The following SOX6 variants were observed in gnomAD, a reference collection of about 807,000 sequenced individuals.
SOX6 encodes the protein transcription factor SOX-6.
In SOX6, 11 loss-of-function variants were observed where a neutral mutation model predicts 97.8. The ratio of observed to expected loss-of-function variants is 0.11; its 90% confidence interval spans 0.07 to 0.19. SOX6 has a LOEUF of 0.19. SOX6 is among the 10% of genes least tolerant of loss of function. SOX6 has a pLI of 1.00. For missense variants in SOX6, 810 were observed against 1,039.5 expected, an observed-to-expected ratio of 0.78 and a Z score of 3.04; for synonymous variants, 360 against 371.4, an observed-to-expected ratio of 0.97 and a Z score of 0.35.
At chr11:16,193,459 A>C (rs1263933759) in intron 4 of SOX6, among the ~76,000 whole-genome samples, 1 of 152,218 alleles carries the variant, frequency 6.6e-6, no homozygotes, top group African/African-American at 2.4e-5. Flanking sequence ...CATTCTCTAG[A>C]AACATGTCCC....
At chr11:16,070,048 G>A (rs536916816) in intron 9 of SOX6, among the ~76,000 whole-genome samples, 8 of 152,064 alleles carry the variant, frequency 5.3e-5, no homozygotes, top group Admixed American at 6.5e-5. Flanking sequence ...CCAGCTACTC[G>A]GGAGGTTGAG....
At chr11:16,031,603 G>A (rs1347305349) in intron 12 of SOX6, 1 of 152,134 alleles carries the variant, frequency 6.6e-6, no homozygotes. Context: ...AGAATGCAGA[G>A]GCAGCAGCTG....
intron 13 of SOX6, among the ~76,000 whole-genome samples, chr11:15,997,101 T>A (rs1353676448): frequency 1.3e-5 from 2 of 152,136 alleles, no homozygotes; most frequent in Non-Finnish European, 2.9e-5. Context: ...ATATTATAAA[T>A]AACTTAATTT....
At chr11:16,379,569 T>A (rs1857747466) in intron 1 of SOX6, among the ~76,000 whole-genome samples, 2 of 152,170 alleles carry the variant, frequency 1.3e-5, no homozygotes, top group Non-Finnish European at 1.5e-5. Flanking sequence ...TTTCTAGTTG[T>A]CATATTGACA....
intron 3 of SOX6, among the ~76,000 whole-genome samples, chr11:16,249,264 G>A (rs752926528): frequency 3.3e-5 from 5 of 151,954 alleles, no homozygotes; most frequent in Non-Finnish European, 5.9e-5. Context: ...ACACTTGGCC[G>A]CTTAGAAATT....
chr11:16,229,383 A>G (rs1014251048), intron 4 of SOX6, among the ~76,000 whole-genome samples: 2 of 152,072 alleles, frequency 1.3e-5, no homozygotes, highest in African/African-American at 4.8e-5. Context: ...AAAAACAAAC[A>G]AAAGAAAAGG....
At chr11:16,692,607 T>C (rs1405443734) in intron 3 of SOX6, among the ~76,000 whole-genome samples, 1 of 152,208 alleles carries the variant, frequency 6.6e-6, no homozygotes. Context: ...AATATCCAGC[T>C]TGGAGTCTGA....
rs1022664185 is a variant in SOX6 at position 16,168,383 on chromosome 11, G to T, written c.777+15503C>A. Among the ~76,000 whole-genome samples the T allele has an allele frequency of 1.3e-5, 2 of 152,068 alleles. 1 individual carries two copies. Among genetic ancestry groups the T allele is most frequent in the South Asian group, 4.1e-4 (2 of 4,828 alleles). ...TAACATCTTAAATAATAAAGGGAAA[G>T]CAAGCTTAACCTAATTAATTCATGT... On this transcript the variant is annotated intron_variant, in intron 6 of 15. Transcript: ENST00000683767.
chr11:16,579,221 C>A (rs1848009135), intron 4 of SOX6, among the ~76,000 whole-genome samples: 1 of 151,838 alleles, frequency 6.6e-6, no homozygotes, highest in Non-Finnish European at 1.5e-5. Context: ...TTTTAGAATT[C>A]AAAAGATATT....
chr11:16,171,920 A>T (rs1851049430), intron 6 of SOX6, among the ~76,000 whole-genome samples: 1 of 151,776 alleles, frequency 6.6e-6, no homozygotes, highest in African/African-American at 2.4e-5. Context: ...ATGTACTGGG[A>T]CTAGAAATTG....
chr11:16,066,662 A>G (rs1428698878), intron 9 of SOX6, among the ~76,000 whole-genome samples: 2 of 152,174 alleles, frequency 1.3e-5, no homozygotes, highest in Non-Finnish European at 2.9e-5. Context: ...GACAAACATC[A>G]TGTGTTCTCA....
chr11:16,241,580 T>G (rs1008878877), intron 3 of SOX6, among the ~76,000 whole-genome samples: 1 of 152,072 alleles, frequency 6.6e-6, no homozygotes, highest in Non-Finnish European at 1.5e-5. Context: ...TTTATTTTGG[T>G]TTCTTTGGGA....
Position 16,210,880 on chromosome 11 carries a change from G to A in SOX6, c.535+23702C>T, listed in dbSNP as rs143219500. ...AAAGGGATAGTAAGAGATAGTAAACGCTGTAGAAGAAAACAGCTGAGTAGG... is the reference window on the plus strand; with the variant it reads ...AAAGGGATAGTAAGAGATAGTAAACACTGTAGAAGAAAACAGCTGAGTAGG... On this transcript the variant is annotated intron_variant, in intron 4 of 15. Coordinates refer to ENST00000683767, the MANE Select transcript of SOX6 (RefSeq NM_001367873.1). Among the ~76,000 whole-genome samples the A allele has an allele frequency of 9.0e-4, 137 of 152,258 alleles. 3 individuals carry two copies. In the East Asian group the frequency reaches 0.018, roughly 20 times the overall value.
At chr11:16,280,643 C>T (rs1854529978) in intron 3 of SOX6, among the ~76,000 whole-genome samples, 1 of 152,028 alleles carries the variant, frequency 6.6e-6, no homozygotes, top group African/African-American at 2.4e-5. Flanking sequence ...AAAACCCAAT[C>T]CAAATCAAAC....
intron 3 of SOX6, among the ~76,000 whole-genome samples, chr11:16,673,386 A>G (rs1244410566): frequency 6.6e-6 from 1 of 152,126 alleles, no homozygotes; most frequent in Non-Finnish European, 1.5e-5. Flanking sequence ...AAGAGAAAAA[A>G]CTCAAATAAA....
intron 3 of SOX6, among the ~76,000 whole-genome samples, chr11:16,644,319 T>A (rs537852002): frequency 1.6e-3 from 238 of 152,226 alleles, no homozygotes; most frequent in Middle Eastern, 3.4e-3. Flanking sequence ...GGATTACATA[T>A]CACCCACCAT....
At chr11:16,218,905 G>T (rs72867946) in intron 4 of SOX6, among the ~76,000 whole-genome samples, 1 of 151,936 alleles carries the variant, frequency 6.6e-6, no homozygotes, top group African/African-American at 2.4e-5. Flanking sequence ...CGTGAAACAT[G>T]TACTTTTCTT....
chr11:16,352,558 T>C (rs1375053452), intron 1 of SOX6, among the ~76,000 whole-genome samples: 1 of 152,076 alleles, frequency 6.6e-6, no homozygotes, highest in African/African-American at 2.4e-5. Flanking sequence ...GAGGGCAAAA[T>C]TTCAACTCAG....
intron 4 of SOX6, among the ~76,000 whole-genome samples, chr11:16,608,407 G>T (rs2133981159): frequency 6.6e-6 from 1 of 152,122 alleles, no homozygotes; most frequent in South Asian, 2.1e-4. Context: ...GGACAGGCAG[G>T]CCAGGGAGAA....
Sources: allele counts gnomAD v4.1 joint callset (sites outside exome capture counted in the v4.1 genomes callset), GRCh38; gene constraint gnomAD v4.1.1; transcripts MANE v1.5; gene names NCBI Gene and HGNC (gene_info 2026-07-23, HGNC 2026-07-21).